MACF1: variants seen among roughly 807,000 people sequenced by gnomAD.
MACF1 encodes microtubule-actin cross-linking factor 1.
In MACF1, 193 loss-of-function variants were observed where a neutral mutation model predicts 854.8. That is an observed-to-expected ratio of 0.23 (90% CI 0.20 to 0.25). The LOEUF (loss-of-function observed/expected upper bound fraction) is 0.25, where lower values mean the gene tolerates loss of function less well. Ranked by LOEUF, MACF1 falls within the 10% of genes least tolerant of loss-of-function variation. MACF1 has a pLI of 1.00. For synonymous variants in MACF1, 3,185 were observed against 3,226.7 expected (o/e 0.99, Z 0.44); for missense variants, 7,722 against 8,929.1 (o/e 0.86, Z 5.45).
rs561362840 is a variant in MACF1, at chr1:39,093,223, A to G, written c.220+8785A>G. On this transcript the variant is annotated intron_variant, in intron 2 of 93. Transcript: ENST00000361689. ...CACCAGCGGGGTGTCCTCCAGTTCA[A>G]TTACAACACTGTCTACCTGGAAATA... Among the ~76,000 whole-genome samples, 15 of 151,980 alleles carry G rather than the reference A, an allele frequency of 9.9e-5. No individual in the cohort carries two copies. The South Asian group carries it at 2.7e-3, about 27-fold the overall frequency.
At chr1:39,190,373 G>T (rs1447679458) in intron 2 of MACF1, among the ~76,000 whole-genome samples, 11 of 86,462 alleles carry the variant, frequency 1.3e-4, no homozygotes, top group Admixed American at 1.5e-4. Context: ...CTTCTTTTGT[G>T]TGTGTGTGTG....
intron 2 of MACF1, among the ~76,000 whole-genome samples, chr1:39,146,891 C>A (rs915938985): frequency 4.6e-5 from 7 of 152,054 alleles, no homozygotes. Flanking sequence ...GTGATGGATA[C>A]CCTATTTACC....
chr1:39,155,758 T>C (rs1393332311), intron 2 of MACF1, among the ~76,000 whole-genome samples: 2 of 152,234 alleles, frequency 1.3e-5, no homozygotes, highest in Admixed American at 1.3e-4. Flanking sequence ...TTGCTCTTGT[T>C]GCCCAGGCTG....
chr1:39,272,015 C>G (rs938841937), intron 6 of MACF1, among the ~76,000 whole-genome samples: 4 of 152,190 alleles, frequency 2.6e-5, no homozygotes, highest in African/African-American at 9.6e-5. Flanking sequence ...TAGCCAACCT[C>G]TGCATCTATT....
intron 6 of MACF1, among the ~76,000 whole-genome samples, chr1:39,260,205 A>G (rs1645145787): frequency 6.6e-6 from 1 of 152,046 alleles, no homozygotes. Flanking sequence ...GTGGTCTTTG[A>G]TAATTTCCTT....
In MACF1 at chr1:39,430,833, G is replaced by T. The variant is rs1451020855; in HGVS notation, c.17262G>T (p.Glu5754Asp). Residue 5754 changes from glutamate to aspartate, a missense_variant, in exon 66 of 101, where the codon GAG becomes GAT. Coordinates refer to ENST00000564288, the MANE Select transcript of MACF1 (RefSeq NM_001394062.1). Reference protein sequence around the residue: ...GLDKLVSDANEQYKLVSDTIG... With the variant: ...GLDKLVSDANDQYKLVSDTIG... ...ATAAACTTGTGTCCGATGCTAACGA[G>T]CAGTACAAACTAGTCAGTGACACTA... 6.2e-7 allele frequency: 1 copy of T among 1,612,760 alleles called. No homozygotes were observed. Among genetic ancestry groups the T allele is most frequent in the East Asian group, 2.2e-5 (1 of 44,886 alleles).
chr1:39,336,666 C>T lies in MACF1; in HGVS notation c.10065+13C>T. 2 of 1,212,074 alleles carry T rather than the reference C, an allele frequency of 1.7e-6. No individual in the cohort carries two copies. Among genetic ancestry groups the T allele is most frequent in the Non-Finnish European group, 2.2e-6 (2 of 894,520 alleles). The allele number at this position is 1,212,074 out of a possible 1,614,324, so 75.1% of individuals were successfully genotyped here. A position where few individuals can be genotyped will look rare whatever the true frequency, so the allele number is the denominator to read the frequency against. ...CAGAGCAACTCAGGTCAGTGGTGTG[C>T]TTTTTTTTTTTTCTTCCTAAAGATA... is the stretch of plus-strand genomic sequence containing the variant. On this transcript the variant is annotated intron_variant, in intron 37 of 100. Coordinates refer to ENST00000564288, the MANE Select transcript of MACF1 (RefSeq NM_001394062.1).
chr1:39,156,442 A>AAC (rs753449896), intron 2 of MACF1, among the ~76,000 whole-genome samples: 2 of 152,180 alleles, frequency 1.3e-5, no homozygotes, highest in Non-Finnish European at 2.9e-5. Context: ...AACATGGTGA[A>AAC]ACACTGTCTC....
intron 35 of MACF1, among the ~76,000 whole-genome samples, chr1:39,325,005 T>C (rs988212530): frequency 1.3e-5 from 2 of 152,218 alleles, no homozygotes; most frequent in African/African-American, 4.8e-5. Flanking sequence ...GAGAGGCCTG[T>C]TAAGAGGCTA....
Position 39,300,329 on chromosome 1 carries a change from T to C in MACF1, c.2601T>C (p.Ser867=), listed in dbSNP as rs755702084. Residue 867 remains serine (S), a synonymous_variant, in exon 22 of 101, where the codon TCT becomes TCC. Coordinates refer to ENST00000564288, the MANE Select transcript of MACF1 (RefSeq NM_001394062.1). The part of the protein sequence containing the change: ...SPDHVLKNTI[S]VKAVCDYRQI... ...ACCATGTGTTAAAGAACACCATTTC[T>C]GTCAAGGCTGTCTGTGACTACAGGC... 4.3e-6 allele frequency: 7 copies of C among 1,613,972 alleles called. No individual in the cohort carries two copies. In the Admixed American group the frequency reaches 1.0e-4, roughly 23 times the overall value.
intron 13 of MACF1, 89 bp downstream of exon 13, chr1:39,285,479 G>A: frequency 6.6e-7 from 1 of 1,515,456 alleles, no homozygotes; most frequent in African/African-American, 1.4e-5. Context: ...AGCAATCGAG[G>A]AATCCAGATG....
rs765634796 is a variant in MACF1 at position 39,427,935 on chromosome 1, T to C, written c.16477-26T>C. 15 of 1,526,726 alleles carry C rather than the reference T, an allele frequency of 9.8e-6. No individual in the cohort carries two copies. The Admixed American group carries it at 1.1e-4, about 11-fold the overall frequency. 94.6% of individuals were successfully genotyped at this position (1,526,726 alleles called of 1,614,324 possible). A position where few individuals can be genotyped will look rare whatever the true frequency, so the allele number is the denominator to read the frequency against. On this transcript the variant is annotated intron_variant, in intron 62 of 100. Coordinates refer to ENST00000564288, the MANE Select transcript of MACF1 (RefSeq NM_001394062.1). The stretch of plus-strand genomic sequence containing the variant: ...CTTTTCATTTATTTTGTTTCTGTTA[T>C]TCATTTTTTCCATCTGGATTTCCAG...
intron 87 of MACF1, among the ~76,000 whole-genome samples, 186 bp downstream of exon 87, chr1:39,452,998 C>T (rs1644366899): frequency 6.6e-6 from 1 of 152,152 alleles, no homozygotes; most frequent in African/African-American, 2.4e-5. Flanking sequence ...TTTTTGACAC[C>T]TTAAACAGTA....
chr1:39,356,642 A>G (rs1647598178), intron 44 of MACF1, among the ~76,000 whole-genome samples: 1 of 152,190 alleles, frequency 6.6e-6, no homozygotes, highest in South Asian at 2.1e-4. Flanking sequence ...AAGTACTGGG[A>G]TTACAGACAT....
At chr1:39,137,945 G>A (rs972732229) in intron 2 of MACF1, among the ~76,000 whole-genome samples, 11 of 151,814 alleles carry the variant, frequency 7.2e-5, no homozygotes, top group Admixed American at 3.9e-4. Context: ...ATGGTAGCAC[G>A]AGCCTATAAT....
chr1:39,406,756 A>AAAAAAAAAAAAAAACAAC (rs746955922), intron 58 of MACF1, among the ~76,000 whole-genome samples: 3 of 116,058 alleles, frequency 2.6e-5, no homozygotes, highest in African/African-American at 3.8e-5. Context: ...AAAAAAAAAA[A>AAAAAAAAAAAAAAACAAC]AACATTCTTT....
At chr1:39,153,909 G>T (rs1643632017) in intron 2 of MACF1, among the ~76,000 whole-genome samples, 1 of 152,134 alleles carries the variant, frequency 6.6e-6, no homozygotes, top group South Asian at 2.1e-4. Flanking sequence ...GATCTTTGTT[G>T]CTCCCTGAAT....
intron 2 of MACF1, among the ~76,000 whole-genome samples, chr1:39,087,356 G>A (rs1194926685): frequency 6.6e-6 from 1 of 152,190 alleles, no homozygotes. Context: ...TTAGGGCCTC[G>A]CCCTTGCTTG....
intron 60 of MACF1, among the ~76,000 whole-genome samples, chr1:39,423,726 A>G (rs1643631793): frequency 1.3e-5 from 2 of 152,068 alleles, no homozygotes; most frequent in African/African-American, 4.8e-5. Flanking sequence ...AAGATAATTA[A>G]CATATTCATC....
Sources: gnomAD v4.1 joint callset for allele counts (sites outside exome capture counted in the v4.1 genomes callset) on GRCh38, gnomAD v4.1.1 for gene constraint, MANE v1.5 for transcripts, NCBI Gene and HGNC (gene_info 2026-07-23, HGNC 2026-07-21) for gene names.